Variants in RALGAPA2 observed in about 807,000 individuals in gnomAD.
RALGAPA2 encodes the protein Ral GTPase activating protein catalytic subunit alpha 2.
A neutral mutation model predicts 230.4 loss-of-function variants in RALGAPA2; 139 were observed. The observed-to-expected ratio is 0.60, with a 90% CI of 0.53 to 0.69. The LOEUF is 0.69. Ranked by LOEUF, RALGAPA2 falls within the 30% of genes least tolerant of loss-of-function variation. The probability of loss-of-function intolerance (pLI) is 0.00; values close to 1 mark genes in which losing one functional copy is unlikely to be tolerated. For missense variants in RALGAPA2, 2,163 were observed against 2,276.0 expected, an observed-to-expected ratio of 0.95 and a Z score of 1.01; for synonymous variants, 847 against 837.8, an observed-to-expected ratio of 1.01 and a Z score of -0.19.
chr20:20,440,618 C>T (rs936757577), intron 37 of RALGAPA2, among the ~76,000 whole-genome samples: 3 of 152,192 alleles, frequency 2.0e-5, no homozygotes, highest in Non-Finnish European at 4.4e-5. Context: ...AGAAAGCCCG[C>T]GCTCTGGTTG....
At chr20:20,499,833 C>T (rs1243592699) in intron 35 of RALGAPA2, among the ~76,000 whole-genome samples, 1 of 152,170 alleles carries the variant, frequency 6.6e-6, no homozygotes, top group African/African-American at 2.4e-5. Context: ...GTTTCACATG[C>T]ACTGCTGCCC....
At chr20:20,635,381 C>G (rs1183489654) in intron 9 of RALGAPA2, 37 bp downstream of exon 9, 9 of 1,524,048 alleles carry the variant, frequency 5.9e-6, no homozygotes, top group Non-Finnish European at 6.3e-6. Flanking sequence ...TTTTATTACA[C>G]AAGCATTAAC....
At chr20:20,558,091 A>C (rs1160298338) in intron 23 of RALGAPA2, among the ~76,000 whole-genome samples, 1 of 151,950 alleles carries the variant, frequency 6.6e-6, no homozygotes, top group African/African-American at 2.4e-5. Context: ...TGCAACCTCC[A>C]CCTCCTAGGT....
At chr20:20,433,184 T>C (rs1353089857) in intron 37 of RALGAPA2, among the ~76,000 whole-genome samples, 2 of 152,232 alleles carry the variant, frequency 1.3e-5, no homozygotes, top group Non-Finnish European at 2.9e-5. Flanking sequence ...TTATCTTGAA[T>C]AATTCTCACA....
intron 4 of RALGAPA2, among the ~76,000 whole-genome samples, chr20:20,652,056 A>G (rs189876263): frequency 2.2e-4 from 33 of 152,382 alleles, no homozygotes; most frequent in African/African-American, 6.0e-4. Context: ...TTAAAGATAA[A>G]GGCACTATCT....
chr20:20,669,362 C>T (rs949708464), intron 3 of RALGAPA2, among the ~76,000 whole-genome samples: 1 of 152,196 alleles, frequency 6.6e-6, no homozygotes, highest in Non-Finnish European at 1.5e-5. Context: ...ACATCTGGGG[C>T]CTCAATGACA....
intron 17 of RALGAPA2, among the ~76,000 whole-genome samples, 188 bp from the exon 18 acceptor site, chr20:20,589,553 CCA>C (rs1341933604): frequency 6.6e-6 from 1 of 152,018 alleles, no homozygotes; most frequent in African/African-American, 2.4e-5. Context: ...GGTCTCTGGC[CCA>C]CAGAGAGCTC....
At chr20:20,431,104 T>C (rs1285146031) in intron 37 of RALGAPA2, among the ~76,000 whole-genome samples, 1 of 151,928 alleles carries the variant, frequency 6.6e-6, no homozygotes, top group Non-Finnish European at 1.5e-5. Context: ...GAAGCGTAGC[T>C]CTGAGACTGA....
At chr20:20,471,358 G>A (rs1426455985) in intron 37 of RALGAPA2, 1 of 149,340 alleles carries the variant, frequency 6.7e-6, no homozygotes, top group Non-Finnish European at 1.5e-5. Flanking sequence ...AAGGTGACAT[G>A]ACAAAAGTCA....
At chr20:20,416,549 C>T (rs2060168381) in intron 37 of RALGAPA2, among the ~76,000 whole-genome samples, 1 of 152,218 alleles carries the variant, frequency 6.6e-6, no homozygotes, top group Admixed American at 6.5e-5. Flanking sequence ...GGGAACTAAA[C>T]TCCAAATGAG....
At chr20:20,621,810 G>A (rs781584214) in intron 10 of RALGAPA2, among the ~76,000 whole-genome samples, 3 of 152,246 alleles carry the variant, frequency 2.0e-5, no homozygotes, top group African/African-American at 7.2e-5. Context: ...ACAAGAGGGA[G>A]AGGTTCCCCA....
At chr20:20,507,897 A>C (rs1291474565) in intron 33 of RALGAPA2, among the ~76,000 whole-genome samples, 1 of 152,224 alleles carries the variant, frequency 6.6e-6, no homozygotes, top group African/African-American at 2.4e-5. Flanking sequence ...ATAGTTATTC[A>C]GTTTTTATCT....
intron 37 of RALGAPA2, among the ~76,000 whole-genome samples, chr20:20,433,601 T>C (rs1209907750): frequency 1.3e-5 from 2 of 152,136 alleles, no homozygotes; most frequent in East Asian, 3.9e-4. Context: ...GGCTGAAATG[T>C]TTCTCAGATG....
intron 3 of RALGAPA2, among the ~76,000 whole-genome samples, chr20:20,674,713 G>A (rs1048103722): frequency 1.3e-5 from 2 of 152,226 alleles, no homozygotes; most frequent in African/African-American, 4.8e-5. Flanking sequence ...TAGAATTAAT[G>A]TTGAGGGTAA....
intron 37 of RALGAPA2, among the ~76,000 whole-genome samples, chr20:20,451,677 T>C (rs544429148): frequency 1.6e-4 from 25 of 152,356 alleles, no homozygotes; most frequent in African/African-American, 6.0e-4. Flanking sequence ...TGCCTTATTT[T>C]AGTACTTAAG....
chr20:20,617,754 C>G (rs1466516563), intron 12 of RALGAPA2, among the ~76,000 whole-genome samples: 1 of 152,142 alleles, frequency 6.6e-6, no homozygotes, highest in African/African-American at 2.4e-5. Context: ...TCTTGAACAT[C>G]TGAGACACAG....
At chr20:20,559,695 G>A (rs191607452) in intron 23 of RALGAPA2, among the ~76,000 whole-genome samples, 39 of 152,108 alleles carry the variant, frequency 2.6e-4, no homozygotes, top group Admixed American at 1.6e-3. Context: ...TGCTTTAAGT[G>A]TAGATTTTTG....
At chr20:20,438,629 G>A (rs967227318) in intron 37 of RALGAPA2, among the ~76,000 whole-genome samples, 3 of 152,116 alleles carry the variant, frequency 2.0e-5, no homozygotes, top group African/African-American at 2.4e-5. Context: ...CAGTGCGCTC[G>A]GGACTGCACG....
rs535264038 is a variant in RALGAPA2 at position 20,485,497 on chromosome 20, T to C, written c.5367+9620A>G. Reference sequence around the variant, plus strand: ...ACATGTATTTTATTCATTGTCCTTATTGTTTTCTTTTTTGGTCTTCCACTC... The same window carrying C: ...ACATGTATTTTATTCATTGTCCTTACTGTTTTCTTTTTTGGTCTTCCACTC... On this transcript the variant is annotated intron_variant, in intron 36 of 39. Transcript: ENST00000202677. Among the ~76,000 whole-genome samples, 14 of 152,368 alleles carry C rather than the reference T, an allele frequency of 9.2e-5. No homozygotes were observed. The South Asian group carries it at 1.9e-3, about 20-fold the overall frequency.
Sources: gnomAD v4.1 joint callset for allele counts (sites outside exome capture counted in the v4.1 genomes callset) on GRCh38, gnomAD v4.1.1 for gene constraint, MANE v1.5 for transcripts, NCBI Gene and HGNC (gene_info 2026-07-23, HGNC 2026-07-21) for gene names.